The following NUBPL variants were observed in gnomAD, a reference collection of about 807,000 sequenced individuals.
NUBPL encodes NUBP iron-sulfur cluster assembly factor, mitochondrial, also known as iron-sulfur cluster transfer protein NUBPL.
In NUBPL, 31 loss-of-function variants were observed where a neutral mutation model predicts 45.7. The ratio of observed to expected loss-of-function variants is 0.68; its 90% CI spans 0.51 to 0.92. NUBPL has a LOEUF of 0.92. Ranked by LOEUF, NUBPL falls within the 40% of genes least tolerant of loss-of-function variation. The pLI, the probability that NUBPL is intolerant of heterozygous loss-of-function variation, is 0.00. For missense variants in NUBPL, 401 were observed against 398.7 expected (o/e 1.01, Z -0.05); for synonymous variants, 144 against 140.9 (o/e 1.02, Z -0.15).
intron 6 of NUBPL, among the ~76,000 whole-genome samples, chr14:31,681,717 A>G (rs2036839162): frequency 6.6e-6 from 1 of 152,040 alleles, no homozygotes; most frequent in African/African-American, 2.4e-5. Context: ...AAACTTTCAC[A>G]AATTCTGATA....
At chr14:31,799,315 A>G (rs1433977221) in intron 7 of NUBPL, among the ~76,000 whole-genome samples, 1 of 152,148 alleles carries the variant, frequency 6.6e-6, no homozygotes, top group Non-Finnish European at 1.5e-5. Context: ...TACATTCATT[A>G]TCTTATTTGA....
In NUBPL at chr14:31,780,445, A is replaced by G. The variant is rs550449233; in HGVS notation, c.514-7335A>G. On this transcript the variant is annotated intron_variant, in intron 6 of 10. Transcript: ENST00000281081. The stretch of plus-strand genomic sequence containing the variant: ...ATTAATGGTTTCTAAATTTTGTAGG[A>G]ATCAAGTTGTGAGAAAAAGCAAATG... Among the ~76,000 whole-genome samples the G allele has an allele frequency of 4.1e-4, 62 of 152,306 alleles. 1 individual carries two copies. In the South Asian group the frequency reaches 0.012, roughly 30 times the overall value.
intron 4 of NUBPL, among the ~76,000 whole-genome samples, chr14:31,636,409 A>G (rs2139679299): frequency 6.6e-6 from 1 of 152,294 alleles, no homozygotes; most frequent in East Asian, 1.9e-4. Context: ...ATTTGCGTAT[A>G]TTGAACCAGC....
At chr14:31,588,634 C>T (rs1009097265) in intron 3 of NUBPL, among the ~76,000 whole-genome samples, 9 of 151,678 alleles carry the variant, frequency 5.9e-5, no homozygotes, top group Non-Finnish European at 7.4e-5. Flanking sequence ...AGTAATCACC[C>T]GGCTGAGCGC....
At chr14:31,793,851 T>TTCCCAATGCTA (rs2039432617) in intron 7 of NUBPL, among the ~76,000 whole-genome samples, 1 of 137,860 alleles carries the variant, frequency 7.3e-6, no homozygotes, top group African/African-American at 3.2e-5. Context: ...ATTTTTTTTT[T>TTCCCAATGCTA]TATTTTTTCC....
At chr14:31,737,475 A>G (rs868706894) in intron 6 of NUBPL, among the ~76,000 whole-genome samples, 10 of 1,608 alleles carry the variant, frequency 6.2e-3, no homozygotes, top group Middle Eastern at 0.5. Flanking sequence ...ACTTGTATAT[A>G]CTTATAACAA....
chr14:31,756,656 T>C (rs554568466), intron 6 of NUBPL, among the ~76,000 whole-genome samples: 30 of 148,264 alleles, frequency 2.0e-4, no homozygotes, highest in African/African-American at 6.7e-4. Flanking sequence ...ACAGGGACAA[T>C]TTGACTTCCT....
chr14:31,706,902 A>G (rs2037465346), intron 6 of NUBPL, among the ~76,000 whole-genome samples: 1 of 152,340 alleles, frequency 6.6e-6, no homozygotes, highest in South Asian at 2.1e-4. Flanking sequence ...TTCAGTCCAT[A>G]TTAACTTAAA....
intron 3 of NUBPL, among the ~76,000 whole-genome samples, chr14:31,566,573 A>G (rs1363925101): frequency 6.6e-6 from 1 of 151,858 alleles, no homozygotes; most frequent in African/African-American, 2.4e-5. Context: ...GAGTCCTTAT[A>G]TGGTTTGGTA....
intron 8 of NUBPL, among the ~76,000 whole-genome samples, chr14:31,834,580 T>TAC (rs1203005901): frequency 1.3e-5 from 2 of 152,214 alleles, no homozygotes; most frequent in African/African-American, 2.4e-5. Context: ...TGGATAGCAT[T>TAC]CTGCATCTCA....
intron 6 of NUBPL, among the ~76,000 whole-genome samples, chr14:31,697,805 A>G (rs918023393): frequency 3.9e-5 from 6 of 152,220 alleles, no homozygotes; most frequent in African/African-American, 9.6e-5. Context: ...AGAAGCCTTA[A>G]TAAAGGTCAC....
At chr14:31,602,098 A>T (rs953600050) in intron 4 of NUBPL, among the ~76,000 whole-genome samples, 68 of 152,312 alleles carry the variant, frequency 4.5e-4, no homozygotes, top group African/African-American at 1.6e-3. Flanking sequence ...AGGGACATGG[A>T]TGAAACTGGA....
chr14:31,799,089 G>C (rs886804691), intron 7 of NUBPL, among the ~76,000 whole-genome samples: 1 of 152,114 alleles, frequency 6.6e-6, no homozygotes, highest in African/African-American at 2.4e-5. Context: ...TATAAGCTAT[G>C]TTGAGAATAA....
intron 8 of NUBPL, among the ~76,000 whole-genome samples, chr14:31,840,302 G>C (rs1047197285): frequency 6.6e-6 from 1 of 152,134 alleles, no homozygotes; most frequent in Non-Finnish European, 1.5e-5. Flanking sequence ...GGCCAGGCGC[G>C]GTGGCTCACA....
At chr14:31,764,341 A>G (rs182653605) in intron 6 of NUBPL, among the ~76,000 whole-genome samples, 1 of 152,272 alleles carries the variant, frequency 6.6e-6, no homozygotes, top group Admixed American at 6.5e-5. Context: ...GGGATGTACT[A>G]ATTGGTTTCT....
intron 7 of NUBPL, among the ~76,000 whole-genome samples, chr14:31,811,422 C>T (rs539329090): frequency 1.6e-4 from 25 of 152,294 alleles, no homozygotes; most frequent in African/African-American, 4.6e-4. Context: ...GCTACTGAAG[C>T]TTGTGCATGC....
chr14:31,583,299 G>GA (rs1198982085), intron 3 of NUBPL, among the ~76,000 whole-genome samples: 2 of 152,214 alleles, frequency 1.3e-5, no homozygotes, highest in Non-Finnish European at 2.9e-5. Context: ...AGCTCTTGCA[G>GA]AGTTGGGTAG....
intron 9 of NUBPL, among the ~76,000 whole-genome samples, chr14:31,848,250 T>G (rs568640477): frequency 6.6e-6 from 1 of 152,330 alleles, no homozygotes; most frequent in East Asian, 1.9e-4. Context: ...CGTCCCCTCC[T>G]TTTAATGTAG....
In NUBPL at chr14:31,729,723, G is replaced by T. The variant is rs879509825; in HGVS notation, c.513+56149G>T. 6.7e-4 allele frequency among the ~76,000 whole-genome samples: 102 copies of T among 152,090 alleles called. 1 individual carries two copies. Among genetic ancestry groups the T allele is most frequent in the African/African-American group, 2.1e-3 (89 of 41,492 alleles). On this transcript the variant is annotated intron_variant, in intron 6 of 10. Coordinates refer to ENST00000281081, the MANE Select transcript of NUBPL (RefSeq NM_025152.3). ...TTAAGTTGGTGTAAAAGTAATTGAAGTTTTTGCCATTTTTTTAAAATGGCA... is the reference window on the plus strand; with the variant it reads ...TTAAGTTGGTGTAAAAGTAATTGAATTTTTTGCCATTTTTTTAAAATGGCA...
Sources: gnomAD v4.1 joint callset for allele counts (sites outside exome capture counted in the v4.1 genomes callset) on GRCh38, gnomAD v4.1.1 for gene constraint, MANE v1.5 for transcripts, NCBI Gene and HGNC (gene_info 2026-07-23, HGNC 2026-07-21) for gene names.